The following PEBP4 variants were observed in gnomAD, a reference collection of about 807,000 sequenced individuals.
PEBP4 encodes phosphatidylethanolamine binding protein 4, also known as phosphatidylethanolamine-binding protein 4.
In PEBP4, 22 loss-of-function variants were observed where a neutral mutation model predicts 23.9. The observed-to-expected ratio is 0.92, with a 90% CI of 0.66 to 1.31. The LOEUF is 1.31. PEBP4 is among the 40% of genes most tolerant of loss of function. The pLI is 0.00. For synonymous variants in PEBP4, 112 were observed against 99.3 expected (o/e 1.13, Z -0.76); for missense variants, 324 against 281.7 (o/e 1.15, Z -1.07).
At chr8:22,823,568 T>C (rs1806905875) in intron 3 of PEBP4, among the ~76,000 whole-genome samples, 1 of 151,772 alleles carries the variant, frequency 6.6e-6, no homozygotes, top group Non-Finnish European at 1.5e-5. Context: ...TTTATAGATA[T>C]ATTTGCATAT....
chr8:22,825,832 C>G (rs754174870), intron 3 of PEBP4, among the ~76,000 whole-genome samples: 1 of 152,146 alleles, frequency 6.6e-6, no homozygotes, highest in Non-Finnish European at 1.5e-5. Context: ...GTAGTATATC[C>G]GTACAATGGA....
At chr8:22,778,981 C>T (rs751622853) in intron 4 of PEBP4, among the ~76,000 whole-genome samples, 8 of 148,368 alleles carry the variant, frequency 5.4e-5, no homozygotes, top group Admixed American at 4.7e-4. Context: ...TGTCTGCCTG[C>T]GTGGGGGGCA....
rs116997740 is a variant in PEBP4 at position 22,751,420 on chromosome 8, G to A, written c.358-24200C>T. Among the ~76,000 whole-genome samples the A allele has an allele frequency of 4.2e-4, 64 of 152,314 alleles. No homozygotes were observed. In the East Asian group the frequency reaches 0.01, roughly 25 times the overall value. ...ACTTGGGTCTGATGTCCAGGAACAC[G>A]TGTGAGACCCTAGGTCTTCCCTATC... On this transcript the variant is annotated intron_variant, in intron 4 of 6. Coordinates refer to ENST00000256404, the MANE Select transcript of PEBP4 (RefSeq NM_144962.3).
chr8:22,879,662 G>A (rs972233263), intron 3 of PEBP4, among the ~76,000 whole-genome samples: 20 of 152,214 alleles, frequency 1.3e-4, no homozygotes, highest in African/African-American at 4.6e-4. Flanking sequence ...GAGGGTCGGG[G>A]AGGACAGGGA....
intron 4 of PEBP4, among the ~76,000 whole-genome samples, chr8:22,807,779 C>T (rs1806529343): frequency 6.6e-6 from 1 of 152,104 alleles, no homozygotes; most frequent in Non-Finnish European, 1.5e-5. Flanking sequence ...TATCTGTCCA[C>T]CTACCAAACC....
chr8:22,784,776 T>G (rs894817008), intron 4 of PEBP4, among the ~76,000 whole-genome samples: 1 of 152,226 alleles, frequency 6.6e-6, no homozygotes, highest in African/African-American at 2.4e-5. Flanking sequence ...AGATTCCTGC[T>G]GAGAAAATGA....
At chr8:22,805,221 T>G (rs1806471151) in intron 4 of PEBP4, among the ~76,000 whole-genome samples, 1 of 152,242 alleles carries the variant, frequency 6.6e-6, no homozygotes, top group Non-Finnish European at 1.5e-5. Flanking sequence ...CGTGATGCAT[T>G]TGTCCAAACC....
intron 6 of PEBP4, among the ~76,000 whole-genome samples, chr8:22,716,000 C>T (rs1804409946): frequency 6.6e-6 from 1 of 152,138 alleles, no homozygotes; most frequent in Admixed American, 6.5e-5. Flanking sequence ...GCGCTGCTGT[C>T]TGTGCTTGGG....
chr8:22,915,678 G>A lies in PEBP4; in HGVS notation c.258+4506C>T, dbSNP rs917069434. On this transcript the variant is annotated intron_variant, in intron 3 of 6. Coordinates refer to ENST00000256404, the MANE Select transcript of PEBP4 (RefSeq NM_144962.3). Reference sequence around the variant, plus strand: ...TGCAGTCCCCTGAGCCAGTGGGCCTGCACTTGACCGCCTCCACATGTAGGA... The same window carrying A: ...TGCAGTCCCCTGAGCCAGTGGGCCTACACTTGACCGCCTCCACATGTAGGA... Among the ~76,000 whole-genome samples, 5 of 152,314 alleles carry A rather than the reference G, an allele frequency of 3.3e-5. No homozygotes were observed. In the East Asian group the frequency reaches 7.7e-4, roughly 23 times the overall value.
At chr8:22,841,534 G>A (rs1223173859) in intron 3 of PEBP4, among the ~76,000 whole-genome samples, 2 of 152,182 alleles carry the variant, frequency 1.3e-5, no homozygotes, top group Non-Finnish European at 2.9e-5. Flanking sequence ...TTCAACTCTA[G>A]GCCTATTTAT....
In PEBP4 at chr8:22,865,543, CTGCCGG is replaced by C. The variant is rs545087921; in HGVS notation, c.259-47814_259-47809del. 2.0e-5 allele frequency among the ~76,000 whole-genome samples: 3 copies of C among 152,296 alleles called. No homozygotes were observed. The highest frequency in any genetic ancestry group is 3.9e-4 in the East Asian group (2 of 5,162). On this transcript the variant is annotated intron_variant, in intron 3 of 6. Transcript: ENST00000256404. The surrounding 1 kb of genome is among the most constrained non-coding windows in gnomAD (Gnocchi z 6.9). ...AAGAGCTAAAAAAGGCAAGGCGCTG[CTGCCGG>C]TGCCGGTGCCGCAGCCGCCGGGGAA...
In PEBP4 at chr8:22,713,356, G is replaced by A; in HGVS notation, c.*14C>T. On this transcript the variant is annotated 3_prime_UTR_variant, in exon 7 of 7. Transcript: ENST00000256404. ...GGCAGTGTGGCCACATGCCCGGATG[G>A]CAAAGCCGGCTATCTAGCAGGCAGC... The A allele has an allele frequency of 6.4e-7, 1 of 1,565,730 alleles. No individual in the cohort carries two copies.
intron 3 of PEBP4, among the ~76,000 whole-genome samples, chr8:22,852,897 CA>C (rs1297080479): frequency 6.6e-6 from 1 of 152,188 alleles, no homozygotes; most frequent in Admixed American, 6.5e-5. Context: ...CATTCCTTTG[CA>C]ATCCTGGCAC....
In PEBP4 at chr8:22,865,374, TGGCGGTGGC is replaced by T. The variant is rs1446429497; in HGVS notation, c.259-47648_259-47640del. ...CACCCACGGGCGGTGACGGTGGCGG[TGGCGGTGGC>T]GGCGGCGGGACCCCGGGCCTGGCTG... On this transcript the variant is annotated intron_variant, in intron 3 of 6. Coordinates refer to ENST00000256404, the MANE Select transcript of PEBP4 (RefSeq NM_144962.3). This position sits in a 1 kb window ranked among gnomAD's most constrained non-coding sequence, Gnocchi z 6.9. Among the ~76,000 whole-genome samples the T allele has an allele frequency of 6.0e-5, 9 of 150,316 alleles. No homozygotes were observed. Among genetic ancestry groups the T allele is most frequent in the East Asian group, 2.0e-4 (1 of 4,908 alleles).
chr8:22,778,713 G>A (rs1563213445), intron 4 of PEBP4, among the ~76,000 whole-genome samples: 1 of 152,184 alleles, frequency 6.6e-6, no homozygotes. Context: ...AAGCCTCCTG[G>A]GAGAAGGTTC....
At chr8:22,930,200 G>A (rs771477053), upstream of PEBP4, among the ~76,000 whole-genome samples, 5 of 152,016 alleles carry the variant, frequency 3.3e-5, no homozygotes, top group East Asian at 3.9e-4. Context: ...TACCTCTGGC[G>A]GGTTCCTCAA....
At chr8:22,737,594 A>G (rs138666722) in intron 4 of PEBP4, among the ~76,000 whole-genome samples, 1 of 151,812 alleles carries the variant, frequency 6.6e-6, no homozygotes, top group Non-Finnish European at 1.5e-5. Flanking sequence ...GATTTCTGGC[A>G]GCCACAAGAA....
intron 3 of PEBP4, among the ~76,000 whole-genome samples, chr8:22,918,211 G>T (rs377633325): frequency 3.9e-5 from 6 of 152,254 alleles, no homozygotes; most frequent in African/African-American, 1.4e-4. Flanking sequence ...CCTTCTCATA[G>T]GTCTGTTACA....
At chr8:22,737,584 G>A (rs1365171509) in intron 4 of PEBP4, among the ~76,000 whole-genome samples, 4 of 152,142 alleles carry the variant, frequency 2.6e-5, no homozygotes, top group Non-Finnish European at 4.4e-5. Flanking sequence ...TTTGTGGTCT[G>A]ATTTCTGGCA....
Sources: allele counts gnomAD v4.1 joint callset (sites outside exome capture counted in the v4.1 genomes callset), GRCh38; gene constraint gnomAD v4.1.1; non-coding constraint Gnocchi (gnomAD v3.1); transcripts MANE v1.5; gene names NCBI Gene and HGNC (gene_info 2026-07-23, HGNC 2026-07-21).